Variants in CCSER2 observed in about 807,000 individuals in gnomAD.
CCSER2 encodes the protein serine-rich coiled-coil domain-containing protein 2.
Under a neutral mutation model 92.3 loss-of-function variants are expected in CCSER2, and 46 were observed. That is an observed-to-expected ratio of 0.50 (90% CI 0.39 to 0.64). CCSER2 has a LOEUF of 0.64. Ranked by LOEUF, CCSER2 falls within the 30% of genes least tolerant of loss-of-function variation. CCSER2 has a pLI of 0.00. For missense variants in CCSER2, 1,244 were observed against 1,238.9 expected, an observed-to-expected ratio of 1.00 and a Z score of -0.06; for synonymous variants, 433 against 431.4, an observed-to-expected ratio of 1.00 and a Z score of -0.04.
intron 9 of CCSER2, chr10:84,500,008 G>C: frequency 6.2e-7 from 1 of 1,612,812 alleles, no homozygotes; most frequent in Non-Finnish European, 8.5e-7. Context: ...CCCCTTCATG[G>C]TATTTCCCTT....
intron 3 of CCSER2, among the ~76,000 whole-genome samples, chr10:84,398,188 G>A (rs1028569101): frequency 6.6e-6 from 1 of 152,072 alleles, no homozygotes; most frequent in African/African-American, 2.4e-5. Flanking sequence ...ACTGCCTTTG[G>A]TTCATGACTT....
At chr10:84,459,022 G>T (rs887530737) in intron 6 of CCSER2, among the ~76,000 whole-genome samples, 1 of 151,684 alleles carries the variant, frequency 6.6e-6, no homozygotes, top group African/African-American at 2.4e-5. Context: ...TTTTGTTTTT[G>T]TCTTTGAGAC....
intron 9 of CCSER2, among the ~76,000 whole-genome samples, chr10:84,489,271 G>A (rs12220776): frequency 0.36 from 54,177 of 151,984 alleles, 11,520 homozygotes; most frequent in East Asian, 0.5. Context: ...GTGCAGAGCT[G>A]AGTTCAATTC....
intron 3 of CCSER2, among the ~76,000 whole-genome samples, chr10:84,402,441 G>T (rs1158925499): frequency 6.6e-6 from 1 of 152,128 alleles, no homozygotes; most frequent in African/African-American, 2.4e-5. Context: ...AAACCAACAT[G>T]TAAAACAATG....
At chr10:84,467,032 T>G (rs1846487906) in intron 7 of CCSER2, among the ~76,000 whole-genome samples, 1 of 152,248 alleles carries the variant, frequency 6.6e-6, no homozygotes, top group Non-Finnish European at 1.5e-5. Context: ...TTTGTAAATG[T>G]GTATATCTCA....
chr10:84,379,744 A>T (rs1271719884), intron 3 of CCSER2, among the ~76,000 whole-genome samples: 2 of 152,174 alleles, frequency 1.3e-5, no homozygotes, highest in African/African-American at 4.8e-5. Context: ...TAGGTAAGTG[A>T]TATGTAATAT....
intron 1 of CCSER2, among the ~76,000 whole-genome samples, chr10:84,358,392 T>C (rs1362868959): frequency 6.6e-6 from 1 of 152,108 alleles, no homozygotes; most frequent in Non-Finnish European, 1.5e-5. Flanking sequence ...TTCATGTCTT[T>C]TCCTATATGT....
rs145794353 is a variant in CCSER2, at chr10:84,499,906, G to C, written c.2326-13543G>C. ...TATTCTGCTCCCTCCTTCTCTCCTT[G>C]GCAGGGCTCCTTCCAGGGGATCCCA... On this transcript the variant is annotated intron_variant, in intron 9 of 9. Coordinates refer to ENST00000372088, the MANE Select transcript of CCSER2 (RefSeq NM_001284240.2). The C allele has an allele frequency of 2.5e-6, 4 of 1,613,786 alleles. No homozygotes were observed. In the African/African-American group the frequency reaches 5.3e-5, roughly 22 times the overall value.
chr10:84,488,745 C>T (rs762930162), intron 9 of CCSER2, among the ~76,000 whole-genome samples: 2 of 152,074 alleles, frequency 1.3e-5, no homozygotes, highest in Non-Finnish European at 2.9e-5. Context: ...TCCTTCAGTT[C>T]TGCTCTGATC....
chr10:84,390,959 A>T (rs1168728694), intron 3 of CCSER2: 2 of 764,158 alleles, frequency 2.6e-6, no homozygotes, highest in Non-Finnish European at 4.9e-6. Flanking sequence ...TATATACTTG[A>T]TACCCTGGTC....
chr10:84,450,392 G>A (rs145795456), intron 6 of CCSER2, among the ~76,000 whole-genome samples: 12 of 152,246 alleles, frequency 7.9e-5, no homozygotes, highest in African/African-American at 2.9e-4. Context: ...AGAAATATAT[G>A]TATATCTCCC....
chr10:84,466,612 C>G (rs1422013983), intron 7 of CCSER2, among the ~76,000 whole-genome samples: 2 of 150,892 alleles, frequency 1.3e-5, no homozygotes, highest in Middle Eastern at 3.2e-3. Context: ...TCATGCCATT[C>G]TCCTGCCTCA....
chr10:84,371,930 C>T lies in CCSER2; in HGVS notation c.878C>T (p.Pro293Leu). ...NEHLGYGFNR[P>L]YAAGGKKLAL... ...CATTTGGGGTATGGATTTAATAGGC[C>T]TTATGCTGCTGGTGGAAAGAAGTTG... is the stretch of plus-strand genomic sequence containing the variant. The change falls in exon 2 of 10, where the codon CCT (proline) becomes CTT (leucine). Residue 293 changes from proline (P) to leucine (L), a missense_variant. Transcript: ENST00000372088. The T allele has an allele frequency of 1.2e-6, 2 of 1,613,810 alleles. No individual in the cohort carries two copies. The highest frequency in any genetic ancestry group is 1.7e-6 in the Non-Finnish European group (2 of 1,179,824).
In CCSER2 at chr10:84,504,804, A is replaced by G. The variant is rs141118980; in HGVS notation, c.2326-8645A>G. Among the ~76,000 whole-genome samples the G allele has an allele frequency of 2.2e-4, 34 of 152,302 alleles. 1 individual carries two copies. Among genetic ancestry groups the G allele is most frequent in the Non-Finnish European group, 3.7e-4 (25 of 67,986 alleles). On this transcript the variant is annotated intron_variant, in intron 9 of 9. Transcript: ENST00000372088. ...CTCACAACAACTCAGAGCCAGAGAT[A>G]TTATTCCAATTTTATAATAAGGAAG...
intron 2 of CCSER2, among the ~76,000 whole-genome samples, chr10:84,373,399 G>T (rs938613378): frequency 6.6e-6 from 1 of 151,984 alleles, no homozygotes; most frequent in African/African-American, 2.4e-5. Context: ...ATGACTAAAT[G>T]AATTTTCTTT....
At chr10:84,491,036 C>T (rs547558209) in intron 9 of CCSER2, among the ~76,000 whole-genome samples, 1 of 152,336 alleles carries the variant, frequency 6.6e-6, no homozygotes, top group Non-Finnish European at 1.5e-5. Flanking sequence ...GTATCAGCAG[C>T]GGAGGCTGCA....
chr10:84,470,680 C>T (rs1399441686), intron 8 of CCSER2, among the ~76,000 whole-genome samples: 1 of 151,848 alleles, frequency 6.6e-6, no homozygotes, highest in Non-Finnish European at 1.5e-5. Context: ...ATTCAGCGAC[C>T]TCAGTTTTGG....
intron 9 of CCSER2, chr10:84,507,467 C>G (rs1347013498): frequency 5.7e-6 from 1 of 174,018 alleles, no homozygotes; most frequent in African/African-American, 2.4e-5. Context: ...TCTATTTCCA[C>G]CTTCCTTTTT....
chr10:84,497,053 C>A (rs1848493114), intron 9 of CCSER2, among the ~76,000 whole-genome samples: 1 of 151,920 alleles, frequency 6.6e-6, no homozygotes, highest in South Asian at 2.1e-4. Context: ...TAGTTGACAC[C>A]AAGGAAAGTA....
Sources: allele counts gnomAD v4.1 joint callset (sites outside exome capture counted in the v4.1 genomes callset), GRCh38; gene constraint gnomAD v4.1.1; transcripts MANE v1.5; gene names NCBI Gene and HGNC (gene_info 2026-07-23, HGNC 2026-07-21).